PDE5A: variants seen among roughly 807,000 people sequenced by gnomAD.
PDE5A encodes phosphodiesterase 5A.
In PDE5A, 67 loss-of-function variants were observed where a neutral mutation model predicts 110.2. That is an observed-to-expected ratio of 0.61 (90% CI 0.50 to 0.75). PDE5A has a LOEUF of 0.75. Among genes scored for constraint, PDE5A ranks in the 30% least tolerant of loss-of-function variants. The pLI is 0.00. For missense variants in PDE5A, 862 were observed against 1,045.1 expected (o/e 0.82, Z 2.42); for synonymous variants, 328 against 351.2 (o/e 0.93, Z 0.74).
At chr4:119,521,845 GC>G (rs1415477199) in intron 12 of PDE5A, among the ~76,000 whole-genome samples, 5 of 151,932 alleles carry the variant, frequency 3.3e-5, no homozygotes, top group Non-Finnish European at 7.4e-5. Flanking sequence ...AGACTCATGG[GC>G]CCTAAACATG....
intron 3 of PDE5A, among the ~76,000 whole-genome samples, chr4:119,574,856 T>A (rs1436486508): frequency 1.3e-5 from 2 of 152,192 alleles, no homozygotes; most frequent in African/African-American, 2.4e-5. Context: ...ATCAGAACAG[T>A]GTTGCCCATG....
chr4:119,517,596 CTT>C (rs1725959490), intron 14 of PDE5A, among the ~76,000 whole-genome samples: 1 of 126,648 alleles, frequency 7.9e-6, no homozygotes, highest in African/African-American at 3.0e-5. Context: ...TTTTCTTTTT[CTT>C]TTTCTTTCTT....
At chr4:119,504,466 A>G (rs1222663626) in intron 18 of PDE5A, 70 bp downstream of exon 18, 39 of 1,142,614 alleles carry the variant, frequency 3.4e-5, no homozygotes, top group Non-Finnish European at 5.1e-5. Flanking sequence ...GTAGATACCT[A>G]GTAGTGGGAT....
At chr4:119,610,477 T>G (rs1729704086) in intron 1 of PDE5A, among the ~76,000 whole-genome samples, 1 of 152,154 alleles carries the variant, frequency 6.6e-6, no homozygotes, top group Admixed American at 6.5e-5. Context: ...CCAACTTATT[T>G]CTTATCTTCT....
intron 3 of PDE5A, among the ~76,000 whole-genome samples, chr4:119,578,941 T>C (rs1175500311): frequency 2.0e-5 from 3 of 152,144 alleles, no homozygotes; most frequent in African/African-American, 7.2e-5. Flanking sequence ...TCTACTTATC[T>C]GACAAAGGGC....
intron 3 of PDE5A, among the ~76,000 whole-genome samples, chr4:119,586,421 C>T (rs573147197): frequency 8.5e-5 from 13 of 152,092 alleles, no homozygotes; most frequent in African/African-American, 2.7e-4. Flanking sequence ...AAGCATTTAA[C>T]AACAAGGAAT....
chr4:119,606,753 C>T lies in PDE5A; in HGVS notation c.697G>A (p.Val233Met). Residue 233 changes from valine to methionine, a missense_variant, in exon 2 of 21, where the codon GTG (valine) becomes ATG (methionine). Val to Met is a conservative substitution (Grantham distance 21). Coordinates refer to ENST00000354960, the MANE Select transcript of PDE5A (RefSeq NM_001083.4). The part of the protein sequence containing the change: ...LEWNKGIVGH[V>M]AALGEPLNIK... The stretch of plus-strand genomic sequence containing the variant: ...TTCAAGGGCTCACCAAGCGCTGCCA[C>T]ATGTCCCACAATGCCTTTGTTCCAT... 6.2e-7 allele frequency: 1 copy of T among 1,614,184 alleles called. No homozygotes were observed. Among genetic ancestry groups the T allele is most frequent in the Non-Finnish European group, 8.5e-7 (1 of 1,180,040 alleles).
intron 10 of PDE5A, chr4:119,541,714 T>C (rs1340595121): frequency 6.6e-6 from 1 of 152,180 alleles, no homozygotes; most frequent in African/African-American, 2.4e-5. Context: ...AACTGAATAA[T>C]TTCAAGGCAG....
At chr4:119,566,038 A>C (rs939079057) in intron 4 of PDE5A, among the ~76,000 whole-genome samples, 1 of 151,252 alleles carries the variant, frequency 6.6e-6, no homozygotes, top group African/African-American at 2.4e-5. Context: ...TCTTATCCAC[A>C]ATGTGATAGA....
intron 11 of PDE5A, among the ~76,000 whole-genome samples, chr4:119,532,377 AACAAC>A (rs1333431691): frequency 1.3e-5 from 2 of 152,148 alleles, no homozygotes; most frequent in Admixed American, 1.3e-4. Context: ...AGTGATCCCT[AACAAC>A]ACAATGATAG....
chr4:119,531,627 G>A (rs1331398211), intron 11 of PDE5A, among the ~76,000 whole-genome samples: 1 of 151,954 alleles, frequency 6.6e-6, no homozygotes, highest in African/African-American at 2.4e-5. Context: ...AATCGCTAGT[G>A]CAAAAAGGCT....
chr4:119,607,350 T>C (rs906691261), intron 1 of PDE5A, 53 bp from the exon 2 acceptor site: 6 of 1,118,494 alleles, frequency 5.4e-6, no homozygotes, highest in South Asian at 1.4e-5. Context: ...AAGGGTGCTA[T>C]GCCTGAGAGC....
At chr4:119,610,175 A>G (rs1248792653) in intron 1 of PDE5A, among the ~76,000 whole-genome samples, 1 of 152,232 alleles carries the variant, frequency 6.6e-6, no homozygotes, top group Non-Finnish European at 1.5e-5. Flanking sequence ...AAAATAATTC[A>G]GTATCTGAAA....
intron 7 of PDE5A, among the ~76,000 whole-genome samples, chr4:119,556,789 A>C (rs1393210825): frequency 1.1e-4 from 16 of 152,188 alleles, no homozygotes; most frequent in Admixed American, 1.0e-3. Flanking sequence ...AAACAAAACG[A>C]AACAGTATAA....
intron 1 of PDE5A, among the ~76,000 whole-genome samples, 195 bp downstream of exon 1, chr4:119,628,325 A>ACCAAGTACATTTTTGTATTTGAC: frequency 6.6e-6 from 1 of 152,168 alleles, no homozygotes; most frequent in South Asian, 2.1e-4. Context: ...TTGTATTTGA[A>ACCAAGTACATTTTTGTATTTGAC]CTTTGTGAGC....
intron 11 of PDE5A, among the ~76,000 whole-genome samples, chr4:119,529,428 A>C (rs1185545865): frequency 5.3e-5 from 8 of 152,060 alleles, no homozygotes; most frequent in African/African-American, 1.4e-4. Context: ...CATTTCCTTG[A>C]CTCTCTTGCA....
At chr4:119,518,966 T>C in intron 14 of PDE5A, 79 bp downstream of exon 14, 1 of 931,088 alleles carries the variant, frequency 1.1e-6, no homozygotes, top group Non-Finnish European at 1.7e-6. Flanking sequence ...CCATCAAATT[T>C]TGCTGTGGCT....
At chr4:119,502,711 C>CA in intron 18 of PDE5A, 56 bp from the exon 19 acceptor site, 1 of 1,172,546 alleles carries the variant, frequency 8.5e-7, no homozygotes, top group Non-Finnish European at 1.3e-6. Context: ...TTCTTTAAAA[C>CA]AGAGACCGTG....
chr4:119,610,776 C>T (rs185156663), intron 1 of PDE5A, among the ~76,000 whole-genome samples: 1 of 152,230 alleles, frequency 6.6e-6, no homozygotes, highest in Admixed American at 6.5e-5. Context: ...AATCCTATAT[C>T]CCAATCTGCT....
Sources: gnomAD v4.1 joint callset for allele counts (sites outside exome capture counted in the v4.1 genomes callset) on GRCh38, gnomAD v4.1.1 for gene constraint, MANE v1.5 for transcripts, NCBI Gene and HGNC (gene_info 2026-07-23, HGNC 2026-07-21) for gene names.